The following ZNF292 variants were observed in gnomAD, a reference collection of about 807,000 sequenced individuals.
ZNF292 encodes the protein zinc finger protein 292, also known as 16 zinc-finger domain protein.
In ZNF292, 26 loss-of-function variants were observed where a neutral mutation model predicts 217.9. The observed-to-expected ratio is 0.12, with a 90% CI of 0.09 to 0.17. The LOEUF is 0.17. Among genes scored for constraint, ZNF292 ranks in the 10% least tolerant of loss-of-function variants. ZNF292 has a pLI of 1.00. For synonymous variants in ZNF292, 1,257 were observed against 1,124.1 expected (o/e 1.12, Z -2.37); for missense variants, 2,904 against 3,175.2 (o/e 0.91, Z 2.05).
Position 87,257,983 on chromosome 6 carries a change from T to A in ZNF292, c.4354T>A (p.Ser1452Thr). 6.2e-7 allele frequency: 1 copy of A among 1,613,940 alleles called. No individual in the cohort carries two copies. The highest frequency in any genetic ancestry group is 8.5e-7 in the Non-Finnish European group (1 of 1,179,816). ...TCCAGAAGCATGTTTTAAAGATCCA[T>A]CATTTCTACAGCTTCTTGCTGAAAA... ...FNPEACFKDP[S>T]FLQLLAENRS... The change falls in exon 8 of 8, where the codon TCA (serine) becomes ACA (threonine). Residue 1452 changes from serine to threonine, a missense_variant. By Grantham distance (58) the Ser-to-Thr change is moderately conservative. Transcript: ENST00000369577.
intron 4 of ZNF292, among the ~76,000 whole-genome samples, chr6:87,229,668 C>G (rs1773550030): frequency 6.6e-6 from 1 of 152,132 alleles, no homozygotes; most frequent in African/African-American, 2.4e-5. Flanking sequence ...TCAGGTGATC[C>G]ACCTGCCTTG....
At chr6:87,174,696 A>T (rs1232638630) in intron 1 of ZNF292, among the ~76,000 whole-genome samples, 1 of 152,174 alleles carries the variant, frequency 6.6e-6, no homozygotes, top group South Asian at 2.1e-4. Context: ...TACGCTGCTT[A>T]TTCTTGTCTT....
At chr6:87,218,418 G>A (rs140744513) in intron 3 of ZNF292, among the ~76,000 whole-genome samples, 178 bp from the exon 4 acceptor site, 1 of 152,094 alleles carries the variant, frequency 6.6e-6, no homozygotes, top group African/African-American at 2.4e-5. Flanking sequence ...TGTAAATGAT[G>A]TATTTCTTAT....
chr6:87,199,287 C>G (rs560215343), intron 1 of ZNF292, among the ~76,000 whole-genome samples: 126 of 152,262 alleles, frequency 8.3e-4, no homozygotes, highest in African/African-American at 3.0e-3. Flanking sequence ...AGCCATTTAT[C>G]TTCTTTGGTG....
Position 87,259,841 on chromosome 6 carries a change from C to G in ZNF292, c.6212C>G (p.Ala2071Gly). The change falls in exon 8 of 8, where the codon GCA becomes GGA. Residue 2071 changes from alanine (A) to glycine (G), a missense_variant. Ala to Gly is a moderately conservative substitution (Grantham distance 60). This residue lies in a region of ZNF292 where 261 missense variants were observed against 272.8 expected (regional missense o/e 0.96). Coordinates refer to ENST00000369577, the MANE Select transcript of ZNF292 (RefSeq NM_015021.3). Reference sequence around the variant, plus strand: ...ACTTCAGAACAATGTAATACAAATGCACTCACAAACACACAAACCAAAGGA... The same window carrying G: ...ACTTCAGAACAATGTAATACAAATGGACTCACAAACACACAAACCAAAGGA... ...TVTSEQCNTN[A>G]LTNTQTKGRK... 6.2e-7 allele frequency: 1 copy of G among 1,612,852 alleles called. No individual in the cohort carries two copies. The highest frequency in any genetic ancestry group is 8.5e-7 in the Non-Finnish European group (1 of 1,179,380).
intron 5 of ZNF292, among the ~76,000 whole-genome samples, chr6:87,237,665 A>T (rs73485815): frequency 6.6e-6 from 1 of 152,234 alleles, no homozygotes; most frequent in African/African-American, 2.4e-5. Flanking sequence ...ATTTTAAAAC[A>T]TACAAATTAT....
intron 1 of ZNF292, among the ~76,000 whole-genome samples, chr6:87,202,112 A>G (rs1772117029): frequency 6.6e-6 from 1 of 152,202 alleles, no homozygotes; most frequent in African/African-American, 2.4e-5. Flanking sequence ...CCTATGGAGA[A>G]TTTCATTGGC....
intron 5 of ZNF292, among the ~76,000 whole-genome samples, chr6:87,239,965 G>A (rs1306706434): frequency 1.3e-5 from 2 of 152,108 alleles, no homozygotes; most frequent in Non-Finnish European, 2.9e-5. Context: ...CCGGGCAGAG[G>A]CTGCAGTCTC....
Position 87,256,111 on chromosome 6 carries a change from C to G in ZNF292, c.2482C>G (p.Leu828Val). Residue 828 changes from leucine to valine, a missense_variant, in exon 8 of 8, where the codon CTG becomes GTG. Leu to Val is a conservative substitution (Grantham distance 32, BLOSUM62 1). Transcript: ENST00000369577. ...YRSQGELEKHLDDHSTPPEKV... is the reference protein window; with the variant it reads ...YRSQGELEKHVDDHSTPPEKV... ...TTCTCAGGGTGAGCTGGAAAAGCAT[C>G]TGGATGATCACAGTACTCCTCCTGA... is the stretch of plus-strand genomic sequence containing the variant. 1.2e-6 allele frequency: 2 copies of G among 1,613,650 alleles called. No homozygotes were observed. Among genetic ancestry groups the G allele is most frequent in the Non-Finnish European group, 8.5e-7 (1 of 1,179,760 alleles).
At chr6:87,172,325 A>T (rs1771127766) in intron 1 of ZNF292, among the ~76,000 whole-genome samples, 1 of 152,190 alleles carries the variant, frequency 6.6e-6, no homozygotes, top group South Asian at 2.1e-4. Flanking sequence ...GACACACCAG[A>T]ATCAGAATGG....
chr6:87,172,911 A>AG (rs1241792136), intron 1 of ZNF292, among the ~76,000 whole-genome samples: 1 of 151,970 alleles, frequency 6.6e-6, no homozygotes, highest in Non-Finnish European at 1.5e-5. Context: ...CAAAAAAAAA[A>AG]AAAATTTTTT....
In ZNF292 at chr6:87,259,902, G is replaced by A. The variant is rs1232090188; in HGVS notation, c.6273G>A (p.Glu2091=). ...KIRRHKKEKE[E]KKRKKPVSQS... ...GGAGGCATAAAAAAGAAAAGGAGGA[G>A]AAAAAACGAAAGAAGCCAGTTTCCC... The change falls in exon 8 of 8, where the codon GAG becomes GAA. Residue 2091 remains glutamate, a synonymous_variant. Coordinates refer to ENST00000369577, the MANE Select transcript of ZNF292 (RefSeq NM_015021.3). 1.2e-6 allele frequency: 2 copies of A among 1,613,522 alleles called. No individual in the cohort carries two copies. Among genetic ancestry groups the A allele is most frequent in the South Asian group, 2.2e-5 (2 of 91,076 alleles).
chr6:87,220,763 G>A (rs762957963), intron 4 of ZNF292, among the ~76,000 whole-genome samples: 2 of 152,166 alleles, frequency 1.3e-5, no homozygotes, highest in Non-Finnish European at 2.9e-5. Flanking sequence ...CCATCTCTGT[G>A]CTGCTTTATT....
rs1273317190 is a variant in ZNF292 at position 87,260,596 on chromosome 6, T to C, written c.6967T>C (p.Cys2323Arg). 2 of 1,612,612 alleles carry C rather than the reference T, an allele frequency of 1.2e-6. No individual in the cohort carries two copies. Among genetic ancestry groups the C allele is most frequent in the Non-Finnish European group, 1.7e-6 (2 of 1,179,586 alleles). Residue 2323 changes from cysteine to arginine, a missense_variant, in exon 8 of 8, where the codon TGT becomes CGT. This residue lies in a region of ZNF292 where 101 missense variants were observed against 89.5 expected (regional missense o/e 1.13). Coordinates refer to ENST00000369577, the MANE Select transcript of ZNF292 (RefSeq NM_015021.3). Reference sequence around the variant, plus strand: ...ACATCGGGGGACCAAGCACAGCAGATGTGGAAAGGAAGGAATAAAAATGCC... The same window carrying C: ...ACATCGGGGGACCAAGCACAGCAGACGTGGAAAGGAAGGAATAAAAATGCC... Reference protein sequence around the residue: ...SKHRGTKHSRCGKEGIKMPKT... With the variant: ...SKHRGTKHSRRGKEGIKMPKT...
intron 1 of ZNF292, among the ~76,000 whole-genome samples, chr6:87,207,639 A>G (rs1375649505): frequency 6.6e-6 from 1 of 152,066 alleles, no homozygotes; most frequent in Non-Finnish European, 1.5e-5. Flanking sequence ...AAGAATGTGC[A>G]TTTTCTAATT....
intron 1 of ZNF292, among the ~76,000 whole-genome samples, chr6:87,166,579 G>A (rs980247351): frequency 3.3e-5 from 5 of 152,158 alleles, no homozygotes; most frequent in Non-Finnish European, 5.9e-5. Flanking sequence ...GCATGATCAC[G>A]TATTTTCCAA....
intron 1 of ZNF292, among the ~76,000 whole-genome samples, chr6:87,208,858 A>G (rs1772356014): frequency 1.3e-5 from 2 of 152,288 alleles, no homozygotes; most frequent in African/African-American, 2.4e-5. Context: ...CTGGAAGTTC[A>G]GGCAGTGAGT....
chr6:87,227,299 C>T (rs1176390601), intron 4 of ZNF292, among the ~76,000 whole-genome samples: 1 of 152,104 alleles, frequency 6.6e-6, no homozygotes, highest in Non-Finnish European at 1.5e-5. Flanking sequence ...AGGGCCCTAC[C>T]TCATACCAAT....
At chr6:87,233,217 A>G in intron 4 of ZNF292, 108 bp from the exon 5 acceptor site, 1 of 817,942 alleles carries the variant, frequency 1.2e-6, no homozygotes, top group Non-Finnish European at 1.9e-6. Context: ...TAGAAAATTG[A>G]AAAAAAGCAT....
Sources: allele counts gnomAD v4.1 joint callset (sites outside exome capture counted in the v4.1 genomes callset), GRCh38; gene constraint gnomAD v4.1.1; regional missense constraint gnomAD v4.1.1; transcripts MANE v1.5; gene names NCBI Gene and HGNC (gene_info 2026-07-23, HGNC 2026-07-21).